TIMP2: variants seen among roughly 807,000 people sequenced by gnomAD.
The protein encoded by TIMP2 is TIMP metallopeptidase inhibitor 2.
In TIMP2, 5 loss-of-function variants were observed where a neutral mutation model predicts 24.3. That is an observed-to-expected ratio of 0.21 (90% confidence interval 0.11 to 0.43). TIMP2 has a LOEUF of 0.43. Ranked by LOEUF, TIMP2 falls within the 20% of genes least tolerant of loss-of-function variation. TIMP2 has a pLI of 1.00. For missense variants in TIMP2, 221 were observed against 297.5 expected, an observed-to-expected ratio of 0.74 and a Z score of 1.89; for synonymous variants, 130 against 123.2, an observed-to-expected ratio of 1.06 and a Z score of -0.37.
chr17:78,887,873 T>C (rs1215383043), intron 1 of TIMP2, among the ~76,000 whole-genome samples: 3 of 152,112 alleles, frequency 2.0e-5, no homozygotes, highest in African/African-American at 7.2e-5. Context: ...GTCCTCTTTT[T>C]GGAAACAAGC....
At chr17:78,894,877 C>T (rs59708755) in intron 1 of TIMP2, among the ~76,000 whole-genome samples, 11,378 of 152,028 alleles carry the variant, frequency 0.075, 1,351 homozygotes, top group African/African-American at 0.26. Context: ...ATACAAGGTA[C>T]GGACTGGAAG....
At chr17:78,903,853 G>A (rs916645000) in intron 1 of TIMP2, among the ~76,000 whole-genome samples, 3 of 152,040 alleles carry the variant, frequency 2.0e-5, no homozygotes, top group Admixed American at 6.6e-5. Context: ...GGAAATGGGG[G>A]CCCCTGACCT....
At chr17:78,861,703 A>G (rs1315745990) in intron 3 of TIMP2, among the ~76,000 whole-genome samples, 1 of 151,956 alleles carries the variant, frequency 6.6e-6, no homozygotes, top group Admixed American at 6.6e-5. Flanking sequence ...CCCAGGTTCA[A>G]GCATTCTCCT....
chr17:78,910,338 A>G (rs1397965889), intron 1 of TIMP2, among the ~76,000 whole-genome samples: 1 of 152,006 alleles, frequency 6.6e-6, no homozygotes, highest in African/African-American at 2.4e-5. Flanking sequence ...GATCACAGGT[A>G]CACACCACCA....
chr17:78,918,272 T>TC (rs1481521454), intron 1 of TIMP2, among the ~76,000 whole-genome samples: 1 of 152,196 alleles, frequency 6.6e-6, no homozygotes. Flanking sequence ...CCGGAAGCTT[T>TC]CCCTGGGCTC....
At chr17:78,885,711 G>T (rs974095147) in intron 1 of TIMP2, among the ~76,000 whole-genome samples, 2 of 152,216 alleles carry the variant, frequency 1.3e-5, no homozygotes, top group Non-Finnish European at 2.9e-5. Flanking sequence ...AGGAGGTGGA[G>T]GGCCAGGCCT....
chr17:78,865,786 C>T lies in TIMP2; in HGVS notation c.340+5112G>A, dbSNP rs112919736. Among the ~76,000 whole-genome samples, 584 of 152,240 alleles carry T rather than the reference C, an allele frequency of 3.8e-3. 3 individuals are homozygous for T. Among genetic ancestry groups the T allele is most frequent in the African/African-American group, 0.014 (563 of 41,548 alleles). On this transcript the variant is annotated intron_variant, in intron 3 of 4. Coordinates refer to ENST00000262768, the MANE Select transcript of TIMP2 (RefSeq NM_003255.5). Reference sequence around the variant, plus strand: ...CAGCCTGGGCAACAGAGAGAGACTCCATCTCGAACAAAAACAAAAACAAAC... The same window carrying T: ...CAGCCTGGGCAACAGAGAGAGACTCTATCTCGAACAAAAACAAAAACAAAC...
intron 1 of TIMP2, among the ~76,000 whole-genome samples, chr17:78,877,760 A>G (rs1387695242): frequency 2.7e-5 from 4 of 150,566 alleles, no homozygotes; most frequent in Admixed American, 2.7e-4. Context: ...CTGGAGTGCA[A>G]TGGTGCAATC....
At chr17:78,911,265 G>A (rs759314626) in intron 1 of TIMP2, among the ~76,000 whole-genome samples, 1 of 152,084 alleles carries the variant, frequency 6.6e-6, no homozygotes, top group Non-Finnish European at 1.5e-5. Flanking sequence ...AATGGAAAGG[G>A]GAAGCTGGTC....
Position 78,859,668 on chromosome 17 carries a change from GAAAATAAATAA to G in TIMP2, c.341-2033_341-2023del, listed in dbSNP as rs1380061542. ...CAGAGACAGACTCCATCTCAAAAAA[GAAAATAAATAA>G]AAAATAAATAAAATAAAAACTAATC... On this transcript the variant is annotated intron_variant, in intron 3 of 4. Transcript: ENST00000262768. Among the ~76,000 whole-genome samples the G allele has an allele frequency of 1.7e-4, 26 of 151,342 alleles. No homozygotes were observed. The East Asian group carries it at 5.1e-3, about 30-fold the overall frequency.
chr17:78,858,027 G>A (rs1319485843), intron 3 of TIMP2, among the ~76,000 whole-genome samples: 1 of 151,960 alleles, frequency 6.6e-6, no homozygotes, highest in African/African-American at 2.4e-5. Context: ...AGCCGAGATC[G>A]CGCCACTGAA....
chr17:78,917,481 T>C (rs973501647), intron 1 of TIMP2, among the ~76,000 whole-genome samples: 15 of 152,262 alleles, frequency 9.9e-5, no homozygotes, highest in Non-Finnish European at 2.1e-4. Flanking sequence ...CTGTGTACGG[T>C]AGGCACCCAA....
chr17:78,881,063 C>T (rs2069775681), intron 1 of TIMP2, among the ~76,000 whole-genome samples: 1 of 152,230 alleles, frequency 6.6e-6, no homozygotes, highest in African/African-American at 2.4e-5. Flanking sequence ...GTGCAGGGAT[C>T]CCTGGGACTC....
intron 1 of TIMP2, among the ~76,000 whole-genome samples, chr17:78,875,456 G>C (rs1295192812): frequency 6.6e-6 from 1 of 152,184 alleles, no homozygotes; most frequent in Non-Finnish European, 1.5e-5. Flanking sequence ...ATTAAGCCAG[G>C]ATTCTGTTCC....
chr17:78,892,229 G>A, intron 1 of TIMP2: 1 of 1,551,038 alleles, frequency 6.4e-7, no homozygotes, highest in Non-Finnish European at 8.7e-7. Flanking sequence ...TCTCTGCAGA[G>A]CGAGATCGCC....
intron 1 of TIMP2, among the ~76,000 whole-genome samples, chr17:78,909,028 G>A (rs1440009486): frequency 1.3e-5 from 2 of 152,152 alleles, no homozygotes; most frequent in Non-Finnish European, 2.9e-5. Flanking sequence ...TCATGTGTGT[G>A]CGTGTCCATC....
At chr17:78,918,068 A>ACACACACGCG (rs1445921476) in intron 1 of TIMP2, among the ~76,000 whole-genome samples, 2 of 117,968 alleles carry the variant, frequency 1.7e-5, no homozygotes, top group African/African-American at 7.9e-5. Context: ...ACACACAAAC[A>ACACACACGCG]CACACACACA....
At chr17:78,868,058 G>T (rs1033748047) in intron 3 of TIMP2, among the ~76,000 whole-genome samples, 29 of 152,124 alleles carry the variant, frequency 1.9e-4, no homozygotes, top group Non-Finnish European at 1.5e-4. Flanking sequence ...CTCTAACACG[G>T]GGCTGGGCAC....
At chr17:78,894,077 T>A (rs747793456) in intron 1 of TIMP2, among the ~76,000 whole-genome samples, 9 of 151,924 alleles carry the variant, frequency 5.9e-5, no homozygotes, top group Admixed American at 3.9e-4. Context: ...GTTGCAGGAG[T>A]CAGAAAATAC....
Sources: gnomAD v4.1 joint callset for allele counts (sites outside exome capture counted in the v4.1 genomes callset) on GRCh38, gnomAD v4.1.1 for gene constraint, MANE v1.5 for transcripts, NCBI Gene and HGNC (gene_info 2026-07-23, HGNC 2026-07-21) for gene names.